Variants in DLG2 observed in about 807,000 individuals in gnomAD.
The protein encoded by DLG2 is disks large homolog 2.
A neutral mutation model predicts 132.5 loss-of-function variants in DLG2; 45 were observed. That is an observed-to-expected ratio of 0.34 (90% CI 0.27 to 0.44). DLG2 has a LOEUF of 0.44. Among genes scored for constraint, DLG2 ranks in the 20% least tolerant of loss-of-function variants. The probability of loss-of-function intolerance (pLI) is 1.00; values close to 1 mark genes in which losing one functional copy is unlikely to be tolerated. For synonymous variants in DLG2, 424 were observed against 419.6 expected (o/e 1.01, Z -0.13); for missense variants, 1,045 against 1,196.9 (o/e 0.87, Z 1.87).
chr11:84,814,782 A>C (rs975330113), intron 6 of DLG2, among the ~76,000 whole-genome samples: 2 of 152,090 alleles, frequency 1.3e-5, no homozygotes, highest in Admixed American at 6.6e-5. Context: ...GTGCTTTGCT[A>C]TACTCTTACA....
intron 7 of DLG2, among the ~76,000 whole-genome samples, chr11:84,498,608 G>A (rs1027319243): frequency 6.6e-5 from 10 of 151,954 alleles, no homozygotes; most frequent in African/African-American, 2.2e-4. Flanking sequence ...TAGAAGTTTT[G>A]GCTGAAACAG....
At chr11:84,201,709 A>C (rs1342813256) in intron 8 of DLG2, among the ~76,000 whole-genome samples, 3 of 151,154 alleles carry the variant, frequency 2.0e-5, no homozygotes, top group African/African-American at 7.3e-5. Flanking sequence ...AGAATGTATC[A>C]ATTTTTTCTA....
chr11:85,623,305 G>A (rs959969968), intron 2 of DLG2, among the ~76,000 whole-genome samples: 3 of 151,466 alleles, frequency 2.0e-5, no homozygotes, highest in African/African-American at 7.3e-5. Flanking sequence ...GAAGACAATA[G>A]GACAATTTTT....
At chr11:83,905,651 C>A (rs968126256) in intron 15 of DLG2, among the ~76,000 whole-genome samples, 11 of 152,098 alleles carry the variant, frequency 7.2e-5, no homozygotes, top group Non-Finnish European at 1.6e-4. Flanking sequence ...GTTTTATGGA[C>A]CACTTATTGA....
intron 15 of DLG2, among the ~76,000 whole-genome samples, chr11:83,893,774 A>G (rs1011600599): frequency 2.6e-5 from 4 of 152,216 alleles, no homozygotes; most frequent in African/African-American, 4.8e-5. Flanking sequence ...CATTGTTTTC[A>G]TATTACTACT....
At chr11:83,898,700 C>T (rs187586281) in intron 15 of DLG2, among the ~76,000 whole-genome samples, 7 of 152,222 alleles carry the variant, frequency 4.6e-5, no homozygotes, top group Non-Finnish European at 8.8e-5. Context: ...TATCCTTCTC[C>T]AATTACTCCT....
At chr11:83,886,718 T>C (rs1226494765) in intron 15 of DLG2, among the ~76,000 whole-genome samples, 22 of 151,964 alleles carry the variant, frequency 1.4e-4, no homozygotes, top group Admixed American at 1.4e-3. Flanking sequence ...CCTCAGCAAA[T>C]GTAAAAGATC....
chr11:83,504,733 G>A (rs866164683), intron 21 of DLG2, among the ~76,000 whole-genome samples: 59 of 152,240 alleles, frequency 3.9e-4, no homozygotes, highest in African/African-American at 1.3e-3. Context: ...GAGTGGTGCC[G>A]CTTCCACTTC....
intron 15 of DLG2, among the ~76,000 whole-genome samples, chr11:83,899,600 G>C (rs1167196505): frequency 6.6e-6 from 1 of 152,098 alleles, no homozygotes; most frequent in Non-Finnish European, 1.5e-5. Flanking sequence ...ATCAAAAATG[G>C]GAGTTTCCCT....
rs1053445252 is a variant in DLG2, at chr11:85,462,946, A to T, written c.40+135711T>A. 2.0e-5 allele frequency among the ~76,000 whole-genome samples: 3 copies of T among 152,220 alleles called. No homozygotes were observed. The South Asian group carries it at 6.2e-4, about 32-fold the overall frequency. On this transcript the variant is annotated intron_variant, in intron 3 of 27. Coordinates refer to ENST00000376104, the MANE Select transcript of DLG2 (RefSeq NM_001142699.3). ...TGTCCTTATAAGAAGGTTCACAAGCAAGCTGTATCTCTCTTCACACATGCA... is the reference window on the plus strand; with the variant it reads ...TGTCCTTATAAGAAGGTTCACAAGCTAGCTGTATCTCTCTTCACACATGCA...
intron 7 of DLG2, among the ~76,000 whole-genome samples, chr11:84,332,064 T>C (rs1293810535): frequency 6.6e-6 from 1 of 152,188 alleles, no homozygotes; most frequent in Admixed American, 6.5e-5. Context: ...GTGTAATTTG[T>C]ACAGCAAAGG....
rs1472622042 is a variant in DLG2, at chr11:84,534,660, G to T, written c.429C>A (p.Gly143=). 6.2e-7 allele frequency: 1 copy of T among 1,613,982 alleles called. No individual in the cohort carries two copies. Among genetic ancestry groups the T allele is most frequent in the Admixed American group, 1.7e-5 (1 of 60,014 alleles). The change falls in exon 7 of 28, where the codon GGC becomes GGA. Residue 143 remains glycine (G), a synonymous_variant. Coordinates refer to ENST00000376104, the MANE Select transcript of DLG2 (RefSeq NM_001142699.3). The part of the protein sequence containing the change: ...SLPRLTHEVR[G]PELVHVSEKN... ...TTTCTGATACATGCACGAGTTCTGGGCCTCTTACTTCGTGGGTTAGTCGAG... is the reference window on the plus strand; with the variant it reads ...TTTCTGATACATGCACGAGTTCTGGTCCTCTTACTTCGTGGGTTAGTCGAG...
chr11:83,464,704 A>G (rs891774), intron 26 of DLG2, among the ~76,000 whole-genome samples: 8,720 of 152,316 alleles, frequency 0.057, 857 homozygotes, highest in African/African-American at 0.2. Flanking sequence ...ACCTTCTCCT[A>G]TGGAATGCCA....
At chr11:84,931,569 C>T (rs1394391279) in intron 6 of DLG2, among the ~76,000 whole-genome samples, 1 of 152,206 alleles carries the variant, frequency 6.6e-6, no homozygotes, top group Non-Finnish European at 1.5e-5. Flanking sequence ...CTGCAATGAA[C>T]ATATGCAGCC....
intron 4 of DLG2, among the ~76,000 whole-genome samples, chr11:85,164,198 TATATAA>T (rs1347066368): frequency 1.8e-4 from 28 of 152,290 alleles, no homozygotes; most frequent in African/African-American, 7.2e-5. Context: ...GAAAATCTCC[TATATAA>T]ATATAAATTT....
intron 9 of DLG2, among the ~76,000 whole-genome samples, chr11:84,149,883 G>A (rs1257470126): frequency 2.0e-5 from 3 of 152,030 alleles, no homozygotes; most frequent in African/African-American, 7.2e-5. Flanking sequence ...TCACCCTCCT[G>A]AGTAGCTGGG....
At chr11:84,983,885 C>G (rs533043065) in intron 6 of DLG2, among the ~76,000 whole-genome samples, 22 of 151,834 alleles carry the variant, frequency 1.4e-4, no homozygotes, top group African/African-American at 5.3e-4. Context: ...ATCGAAGAAG[C>G]AGAAGAAAGA....
At chr11:84,660,507 T>A (rs1213436788) in intron 6 of DLG2, among the ~76,000 whole-genome samples, 1 of 152,100 alleles carries the variant, frequency 6.6e-6, no homozygotes, top group Non-Finnish European at 1.5e-5. Context: ...ATACCTCTTT[T>A]AAGGAAGTAA....
At chr11:84,720,159 G>T in intron 6 of DLG2, 1 of 666,856 alleles carries the variant, frequency 1.5e-6, no homozygotes, top group Non-Finnish European at 1.9e-6. Flanking sequence ...CCCAAACCCA[G>T]CTGGCTCCCA....
Sources: gnomAD v4.1 joint callset for allele counts (sites outside exome capture counted in the v4.1 genomes callset) on GRCh38, gnomAD v4.1.1 for gene constraint, MANE v1.5 for transcripts, NCBI Gene and HGNC (gene_info 2026-07-23, HGNC 2026-07-21) for gene names.